Variants in DIS3L2 observed in about 807,000 individuals in gnomAD.
DIS3L2 encodes DIS3 like 3'-5' exoribonuclease 2, also known as DIS3-like exonuclease 2.
DIS3L2 carries 34 observed loss-of-function variants against 97.5 expected under a neutral mutation model. The observed-to-expected ratio is 0.35, with a 90% CI of 0.27 to 0.46. The LOEUF (loss-of-function observed/expected upper bound fraction) is 0.46, where lower values mean the gene tolerates loss of function less well. Ranked by LOEUF, DIS3L2 falls within the 20% of genes least tolerant of loss-of-function variation. DIS3L2 has a pLI of 1.00. For synonymous variants in DIS3L2, 435 were observed against 445.2 expected, an observed-to-expected ratio of 0.98 and a Z score of 0.29; for missense variants, 1,038 against 1,146.0, an observed-to-expected ratio of 0.91 and a Z score of 1.36.
At chr2:232,030,712 A>T (rs1004735204) in intron 5 of DIS3L2, among the ~76,000 whole-genome samples, 1 of 152,186 alleles carries the variant, frequency 6.6e-6, no homozygotes, top group African/African-American at 2.4e-5. Flanking sequence ...CATTGGAATG[A>T]TGTGTGGTGA....
At chr2:232,240,672 G>A (rs551220607) in intron 11 of DIS3L2, among the ~76,000 whole-genome samples, 33 of 152,116 alleles carry the variant, frequency 2.2e-4, no homozygotes, top group African/African-American at 6.3e-4. Context: ...TTTGCCCCCC[G>A]ACCCCTCACA....
At chr2:232,263,533 T>G in intron 13 of DIS3L2, 93 bp downstream of exon 13, 1 of 1,229,524 alleles carries the variant, frequency 8.1e-7, no homozygotes. Flanking sequence ...AGACTCTTCC[T>G]TCCTTCTCTT....
intron 13 of DIS3L2, among the ~76,000 whole-genome samples, chr2:232,265,193 C>T (rs1226620719): frequency 6.6e-6 from 1 of 152,214 alleles, no homozygotes; most frequent in Non-Finnish European, 1.5e-5. Flanking sequence ...TGAAACCCAC[C>T]TCCTGGTTCT....
intron 14 of DIS3L2, among the ~76,000 whole-genome samples, chr2:232,306,714 A>C (rs1694993269): frequency 6.6e-6 from 1 of 152,200 alleles, no homozygotes; most frequent in Non-Finnish European, 1.5e-5. Context: ...GGGGCCACAG[A>C]GCTGAATAAA....
At chr2:231,965,422 C>A (rs1021990985) in intron 1 of DIS3L2, among the ~76,000 whole-genome samples, 2 of 150,400 alleles carry the variant, frequency 1.3e-5, no homozygotes, top group African/African-American at 4.9e-5. Context: ...AAGGCCAGAG[C>A]AATTTATGTA....
intron 5 of DIS3L2, among the ~76,000 whole-genome samples, chr2:232,081,410 T>C (rs1696389827): frequency 6.6e-6 from 1 of 152,168 alleles, no homozygotes; most frequent in Admixed American, 6.5e-5. Context: ...TACAACTTAC[T>C]GGTTTTAGCA....
At chr2:232,247,619 G>C (rs866795539) in intron 11 of DIS3L2, among the ~76,000 whole-genome samples, 12 of 34,884 alleles carry the variant, frequency 3.4e-4, no homozygotes, top group East Asian at 1.3e-3. Flanking sequence ...ACTGCCGCGG[G>C]GGGGGGGGGG....
At chr2:232,078,850 G>A (rs1696294952) in intron 5 of DIS3L2, among the ~76,000 whole-genome samples, 1 of 152,204 alleles carries the variant, frequency 6.6e-6, no homozygotes, top group South Asian at 2.1e-4. Flanking sequence ...CAAAGAAAGA[G>A]AAATTATTCT....
At position 232,108,222 on chromosome 2, in the gene DIS3L2, C is replaced by T. The variant is rs577128189; in HGVS notation, c.601+20501C>T. ...TGGGATGCAAGGCTGGTTCAACATA[C>T]GCAAATCAATAAATGTGATTCATCA... On this transcript the variant is annotated intron_variant, in intron 6 of 20. Coordinates refer to ENST00000325385, the MANE Select transcript of DIS3L2 (RefSeq NM_152383.5). 1.2e-4 allele frequency among the ~76,000 whole-genome samples: 18 copies of T among 152,240 alleles called. 1 individual carries two copies. The highest frequency in any genetic ancestry group is 3.4e-3 in the Middle Eastern group (1 of 294).
intron 5 of DIS3L2, among the ~76,000 whole-genome samples, chr2:232,071,678 G>A (rs73087837): frequency 0.23 from 34,547 of 152,028 alleles, 6,643 homozygotes; most frequent in African/African-American, 0.53. Context: ...GAAAGTCAAG[G>A]TCTTGTAAGC....
rs139447138 is a variant in DIS3L2 at position 232,019,294 on chromosome 2, G to C, written c.210+3623G>C. On this transcript the variant is annotated intron_variant, in intron 3 of 20. Transcript: ENST00000325385. ...AAGCAGGGTGTGGTGGCTCACGCCT[G>C]TAATCCCAGCACTTTAGAAGGCTAG... Among the ~76,000 whole-genome samples the C allele has an allele frequency of 2.1e-3, 317 of 152,294 alleles. 3 individuals carry two copies. The highest frequency in any genetic ancestry group is 7.1e-3 in the African/African-American group (296 of 41,558).
chr2:232,102,828 A>G (rs1247490562), intron 6 of DIS3L2, among the ~76,000 whole-genome samples: 1 of 152,206 alleles, frequency 6.6e-6, no homozygotes, highest in African/African-American at 2.4e-5. Flanking sequence ...GCATAAAATA[A>G]TAATTGCTTA....
chr2:232,285,283 A>G (rs1183160412), intron 13 of DIS3L2, among the ~76,000 whole-genome samples: 1 of 152,140 alleles, frequency 6.6e-6, no homozygotes, highest in African/African-American at 2.4e-5. Context: ...GGTGAAGCCA[A>G]CCTATCTCTC....
At chr2:232,149,184 C>G (rs938035342) in intron 8 of DIS3L2, among the ~76,000 whole-genome samples, 1 of 143,972 alleles carries the variant, frequency 6.9e-6, no homozygotes, top group Non-Finnish European at 1.5e-5. Context: ...TTCATTCCAG[C>G]GCTTAAAAGT....
chr2:232,201,106 A>G (rs1691881356), intron 9 of DIS3L2, among the ~76,000 whole-genome samples: 2 of 152,356 alleles, frequency 1.3e-5, no homozygotes, highest in Middle Eastern at 3.4e-3. Flanking sequence ...GGATATTCAC[A>G]TGATCTCTAA....
intron 11 of DIS3L2, 45 bp downstream of exon 11, chr2:232,238,690 G>A: frequency 6.5e-7 from 1 of 1,531,138 alleles, no homozygotes; most frequent in Non-Finnish European, 8.9e-7. Context: ...TTGTTTATTT[G>A]TTTGTTTCCC....
downstream of DIS3L2, among the ~76,000 whole-genome samples, chr2:232,337,351 C>T (rs1695993209): frequency 6.6e-6 from 1 of 152,134 alleles, no homozygotes; most frequent in African/African-American, 2.4e-5. Flanking sequence ...TCAAGCAGCA[C>T]TCTGTGAGGT....
At chr2:231,982,965 C>T (rs1331242680) in intron 1 of DIS3L2, among the ~76,000 whole-genome samples, 1 of 152,168 alleles carries the variant, frequency 6.6e-6, no homozygotes, top group East Asian at 1.9e-4. Context: ...CAGGTGTGAG[C>T]CACTGCACCC....
chr2:232,216,514 G>A (rs1381874176), intron 10 of DIS3L2, among the ~76,000 whole-genome samples: 1 of 152,020 alleles, frequency 6.6e-6, no homozygotes, highest in African/African-American at 2.4e-5. Flanking sequence ...AGGTTTGATT[G>A]GTCACCTTCT....
Sources: allele counts gnomAD v4.1 joint callset (sites outside exome capture counted in the v4.1 genomes callset), GRCh38; gene constraint gnomAD v4.1.1; transcripts MANE v1.5; gene names NCBI Gene and HGNC (gene_info 2026-07-23, HGNC 2026-07-21).